Variants in TBX2 observed in about 807,000 individuals in gnomAD.
TBX2 encodes T-box transcription factor 2.
TBX2 carries 19 observed loss-of-function variants against 48.4 expected under a neutral mutation model. The ratio of observed to expected loss-of-function variants is 0.39; its 90% confidence interval spans 0.27 to 0.58. The LOEUF (loss-of-function observed/expected upper bound fraction) is 0.58. TBX2 is among the 20% of genes least tolerant of loss of function. The probability of loss-of-function intolerance (pLI) is 0.54; values close to 1 mark genes in which losing one functional copy is unlikely to be tolerated. For missense variants in TBX2, 994 were observed against 1,006.5 expected (o/e 0.99, Z 0.17); for synonymous variants, 522 against 459.7 (o/e 1.14, Z -1.73).
chr17:61,401,887 T>C lies in TBX2; in HGVS notation c.599T>C (p.Met200Thr), dbSNP rs1409927318. 8.7e-6 allele frequency: 14 copies of C among 1,612,632 alleles called. No homozygotes were observed. The highest frequency in any genetic ancestry group is 2.7e-5 in the African/African-American group (2 of 74,938). ...AGCCCAGCCACGGGGGAGCAGTGGA[T>C]GGCTAAGCCTGTGGCCTTCCACAAG... ...PDSPATGEQW[M>T]AKPVAFHKLK... The change falls in exon 2 of 7, where the codon ATG becomes ACG. Residue 200 changes from methionine (M) to threonine (T), a missense_variant. This residue lies in a region of TBX2 where 153 missense variants were observed against 166.2 expected (regional missense o/e 0.92). Transcript: ENST00000240328.
intron 6 of TBX2, 150 bp downstream of exon 6, chr17:61,405,986 T>G: frequency 1.3e-6 from 1 of 769,938 alleles, no homozygotes; most frequent in Non-Finnish European, 1.8e-6. Flanking sequence ...GGATGCCCTT[T>G]AGGACACCTG....
chr17:61,402,927 C>CGAGAGA (rs1569015300), intron 2 of TBX2, 134 bp from the exon 3 acceptor site: 4 of 323,720 alleles, frequency 1.2e-5, no homozygotes, highest in African/African-American at 1.2e-4. Flanking sequence ...GAGGAAGAAC[C>CGAGAGA]GATAGAGAGA....
At chr17:61,404,967 A>G in intron 5 of TBX2, 198 bp downstream of exon 5, 3 of 1,246,652 alleles carry the variant, frequency 2.4e-6, no homozygotes, top group Non-Finnish European at 3.4e-6. Flanking sequence ...CCGGACTCCG[A>G]GCCTGGCCCC....
In TBX2 at chr17:61,405,295, C is replaced by A; in HGVS notation, c.1145C>A (p.Pro382Gln). The change falls in exon 6 of 7, where the codon CCA becomes CAA. Residue 382 changes from proline to glutamine, a missense_variant. This residue lies in a region of TBX2 where 639 missense variants were observed against 613.2 expected (regional missense o/e 1.04). Coordinates refer to ENST00000240328, the MANE Select transcript of TBX2 (RefSeq NM_005994.4). ...GCGCCGCTAGGCCGCAGCCCGGCTC[C>A]AGACAGCGCCAGCCCCACTCGCTTG... ...AGAPLGRSPA[P>Q]DSASPTRLTE... The A allele has an allele frequency of 6.4e-7, 1 of 1,557,968 alleles. No individual in the cohort carries two copies. Among genetic ancestry groups the A allele is most frequent in the South Asian group, 1.2e-5 (1 of 85,536 alleles).
chr17:61,407,045 C>G (rs955546073), intron 6 of TBX2: 5 of 152,184 alleles, frequency 3.3e-5, no homozygotes, highest in African/African-American at 1.2e-4. Flanking sequence ...AATACCAGCA[C>G]CTGGGAGGCA....
Position 61,409,321 on chromosome 17 carries a change from G to T in TBX2, c.*815G>T, listed in dbSNP as rs1234318583. The T allele has an allele frequency of 6.6e-6, 1 of 152,348 alleles. No individual in the cohort carries two copies. Among genetic ancestry groups the T allele is most frequent in the African/African-American group, 2.4e-5 (1 of 41,444 alleles). 9.4% of individuals were successfully genotyped at this position (152,348 alleles called of 1,614,324 possible). On this transcript the variant is annotated 3_prime_UTR_variant, in exon 7 of 7. Coordinates refer to ENST00000240328, the MANE Select transcript of TBX2 (RefSeq NM_005994.4). ...CCCTGGAGGAGCCACCACCCCGCCG[G>T]CCCCTCGACCCCTCGGCCCCTCGGC...
At position 61,406,742 on chromosome 17, in the gene TBX2, G is replaced by C. The variant is rs1448016972; in HGVS notation, c.1686+906G>C. The C allele has an allele frequency of 2.9e-5, 1 of 34,982 alleles. No homozygotes were observed. The highest frequency in any genetic ancestry group is 2.3e-4 in the Admixed American group (1 of 4,352). 2.2% of individuals were successfully genotyped at this position (34,982 alleles called of 1,614,324 possible). A position where few individuals can be genotyped will look rare whatever the true frequency, so the allele number is the denominator to read the frequency against. ...TTTTAAAAGTTGGGTTGGTGGGTGGGGGGGTGGGGGGTTGGGAGGCAGGCG... is the reference window on the plus strand; with the variant it reads ...TTTTAAAAGTTGGGTTGGTGGGTGGCGGGGTGGGGGGTTGGGAGGCAGGCG... On this transcript the variant is annotated intron_variant, in intron 6 of 6. Transcript: ENST00000240328. This position sits in a 1 kb window ranked among gnomAD's most constrained non-coding sequence, Gnocchi z 5.7.
chr17:61,400,577 G>T lies in TBX2; in HGVS notation c.395+6G>T, dbSNP rs1245387725. 7 of 1,545,232 alleles carry T rather than the reference G, an allele frequency of 4.5e-6. No homozygotes were observed. The South Asian group carries it at 8.3e-5, about 18-fold the overall frequency. ...GTCATCACCAAGTCCGGGAGGTAGG[G>T]CTGCCGGCCGGCTGGAAGGCGCGCG... On this transcript the variant is annotated splice_donor_region_variant and intron_variant, in intron 1 of 6. Transcript: ENST00000240328. This position sits in a 1 kb window ranked among gnomAD's most constrained non-coding sequence, Gnocchi z 9.2.
chr17:61,404,486 G>C lies in TBX2; in HGVS notation c.876G>C (p.Arg292=), dbSNP rs752696332. The part of the protein sequence containing the change: ...AKGFRDTGNG[R]REKRKQLTLP... Reference sequence around the variant, plus strand: ...GCTTCCGGGACACCGGGAACGGCCGGCGGGAGAAAAGGTGAGAGGCCGAGG... The same window carrying C: ...GCTTCCGGGACACCGGGAACGGCCGCCGGGAGAAAAGGTGAGAGGCCGAGG... The change falls in exon 4 of 7, where the codon CGG becomes CGC. Residue 292 remains arginine, a synonymous_variant. Transcript: ENST00000240328. The C allele has an allele frequency of 3.1e-6, 5 of 1,611,816 alleles. No homozygotes were observed. In the East Asian group the frequency reaches 6.7e-5, roughly 22 times the overall value.
rs986465437 is a variant in TBX2, at chr17:61,403,362, G to A, written c.810+155G>A. Among the ~76,000 whole-genome samples, 1 of 152,234 alleles carries A rather than the reference G, an allele frequency of 6.6e-6. No homozygotes were observed. Among genetic ancestry groups the A allele is most frequent in the African/African-American group, 2.4e-5 (1 of 41,468 alleles). Reference sequence around the variant, plus strand: ...ACCGAGCCTCGCATCCATACGCGCAGCACTCACGGAAGTCCTCAAGGCGCC... The same window carrying A: ...ACCGAGCCTCGCATCCATACGCGCAACACTCACGGAAGTCCTCAAGGCGCC... On this transcript the variant is annotated intron_variant, in intron 3 of 6. Transcript: ENST00000240328. This position sits in a 1 kb window ranked among gnomAD's most constrained non-coding sequence, Gnocchi z 5.8.
In TBX2 at chr17:61,403,361, A is replaced by C. The variant is rs2060273255; in HGVS notation, c.810+154A>C. On this transcript the variant is annotated intron_variant, in intron 3 of 6. Coordinates refer to ENST00000240328, the MANE Select transcript of TBX2 (RefSeq NM_005994.4). This position sits in a 1 kb window ranked among gnomAD's most constrained non-coding sequence, Gnocchi z 5.8. ...CACCGAGCCTCGCATCCATACGCGC[A>C]GCACTCACGGAAGTCCTCAAGGCGC... is the stretch of plus-strand genomic sequence containing the variant. 6.6e-6 allele frequency among the ~76,000 whole-genome samples: 1 copy of C among 152,194 alleles called. No individual in the cohort carries two copies. The highest frequency in any genetic ancestry group is 1.5e-5 in the Non-Finnish European group (1 of 68,032).
Position 61,408,565 on chromosome 17 carries a change from T to G in TBX2, c.*59T>G. On this transcript the variant is annotated 3_prime_UTR_variant, in exon 7 of 7. Coordinates refer to ENST00000240328, the MANE Select transcript of TBX2 (RefSeq NM_005994.4). ...CACCCGGGCTGCCTGCCCCTGCTGC[T>G]TGGGACGTGTACAGCACAGAATGAG... 1 of 1,389,728 alleles carries G rather than the reference T, an allele frequency of 7.2e-7. No individual in the cohort carries two copies. The highest frequency in any genetic ancestry group is 2.6e-5 in the East Asian group (1 of 38,884). 86.1% of individuals were successfully genotyped at this position (1,389,728 alleles called of 1,614,324 possible).
rs1323583331 is a variant in TBX2, at chr17:61,400,361, C to T, written c.185C>T (p.Ala62Val). Residue 62 changes from alanine to valine, a missense_variant, in exon 1 of 7, where the codon GCC (alanine) becomes GTC (valine). Physicochemically the swap from Ala to Val is moderately conservative, Grantham distance 64. Around this residue, in one of 5 missense-constraint regions of TBX2, gnomAD observed 165 missense variants for 136.8 expected, o/e 1.21. Transcript: ENST00000240328. The surrounding 1 kb of genome is among the most constrained non-coding windows in gnomAD (Gnocchi z 9.2). ...GACCCGGGCCTGGCGGGGGCGGCGG[C>T]CGCGGCGGCGGCGGCGGCAGCAGCG... ...LPDPGLAGAAAAAAAAAAAAE... is the reference protein window; with the variant it reads ...LPDPGLAGAAVAAAAAAAAAE... 9.7e-7 allele frequency: 1 copy of T among 1,031,406 alleles called. No individual in the cohort carries two copies. Among genetic ancestry groups the T allele is most frequent in the Non-Finnish European group, 1.2e-6 (1 of 862,616 alleles). 63.9% of individuals were successfully genotyped at this position (1,031,406 alleles called of 1,614,324 possible).
Position 61,403,079 on chromosome 17 carries a change from C to T in TBX2, c.682C>T (p.His228Tyr), listed in dbSNP as rs1274588227. The part of the protein sequence containing the change: ...KHGFTILNSM[H>Y]KYQPRFHIVR... ...CCCGCAGACCATCCTAAACTCCATG[C>T]ACAAGTACCAGCCGCGCTTCCACAT... The change falls in exon 3 of 7, where the codon CAC (histidine) becomes TAC (tyrosine). Residue 228 changes from histidine (H) to tyrosine (Y), a missense_variant. By Grantham distance (83) the His-to-Tyr change is moderately conservative. Coordinates refer to ENST00000240328, the MANE Select transcript of TBX2 (RefSeq NM_005994.4). The surrounding 1 kb of genome is among the most constrained non-coding windows in gnomAD (Gnocchi z 5.8). 4 of 1,613,046 alleles carry T rather than the reference C, an allele frequency of 2.5e-6. No homozygotes were observed. Among genetic ancestry groups the T allele is most frequent in the Non-Finnish European group, 3.4e-6 (4 of 1,179,934 alleles).
In TBX2 at chr17:61,408,455, T is replaced by C; in HGVS notation, c.2088T>C (p.Ser696=). 5 of 1,474,296 alleles carry C rather than the reference T, an allele frequency of 3.4e-6. No individual in the cohort carries two copies. The highest frequency in any genetic ancestry group is 1.4e-5 in the South Asian group (1 of 72,042). The allele number at this position is 1,474,296 out of a possible 1,614,324, so 91.3% of individuals were successfully genotyped here. Reference sequence around the variant, plus strand: ...TGCAGAGCATCCAGAGACTGGTGAGTGGGCTGGAGAGCCAGCGAGCCCTCT... The same window carrying C: ...TGCAGAGCATCCAGAGACTGGTGAGCGGGCTGGAGAGCCAGCGAGCCCTCT... ...NELQSIQRLV[S]GLESQRALSP... The change falls in exon 7 of 7, where the codon AGT becomes AGC. Residue 696 remains serine (S), a synonymous_variant. Coordinates refer to ENST00000240328, the MANE Select transcript of TBX2 (RefSeq NM_005994.4).
Position 61,403,216 on chromosome 17 carries a change from G to C in TBX2, c.810+9G>C, listed in dbSNP as rs766782230. 2.9e-5 allele frequency: 47 copies of C among 1,611,558 alleles called. No individual in the cohort carries two copies. The highest frequency in any genetic ancestry group is 4.0e-5 in the African/African-American group (3 of 74,930). On this transcript the variant is annotated intron_variant, in intron 3 of 6. Coordinates refer to ENST00000240328, the MANE Select transcript of TBX2 (RefSeq NM_005994.4). The surrounding 1 kb of genome is among the most constrained non-coding windows in gnomAD (Gnocchi z 5.8). ...CCTACCAGAATGACAAGGTGCGCGC[G>C]GCGGGCGGTGGGCTAAGCCCCTGCA...
At chr17:61,404,809 G>T (rs1386115672) in intron 5 of TBX2, 40 bp downstream of exon 5, 1 of 1,536,500 alleles carries the variant, frequency 6.5e-7, no homozygotes, top group Non-Finnish European at 8.7e-7. Context: ...AGGTGGCGGC[G>T]GGGGGTCCTC....
intron 6 of TBX2, 108 bp downstream of exon 6, chr17:61,405,944 G>A: frequency 1.7e-6 from 2 of 1,159,654 alleles, no homozygotes; most frequent in South Asian, 4.4e-5. Flanking sequence ...GGATCCTCTG[G>A]CAGGCAAGAA....
At position 61,405,735 on chromosome 17, in the gene TBX2, G is replaced by T; in HGVS notation, c.1585G>T (p.Ala529Ser). ...GNGGGGGPGT[A>S]AGLDAGGLGP... is the part of the protein sequence containing the mutation. ...CGGCGGAGGTGGCGGGCCTGGGACC[G>T]CCGCGGGGCTGGACGCAGGCGGGCT... The change falls in exon 6 of 7, where the codon GCC becomes TCC. Residue 529 changes from alanine (A) to serine (S), a missense_variant. Transcript: ENST00000240328. The T allele has an allele frequency of 7.3e-7, 1 of 1,362,636 alleles. No homozygotes were observed. The highest frequency in any genetic ancestry group is 9.4e-7 in the Non-Finnish European group (1 of 1,063,732). The allele number at this position is 1,362,636 out of a possible 1,614,324, so 84.4% of individuals were successfully genotyped here. A position where few individuals can be genotyped will look rare whatever the true frequency, so the allele number is the denominator to read the frequency against.
Sources: allele counts gnomAD v4.1 joint callset (sites outside exome capture counted in the v4.1 genomes callset), GRCh38; gene constraint gnomAD v4.1.1; regional missense constraint gnomAD v4.1.1; non-coding constraint Gnocchi (gnomAD v3.1); transcripts MANE v1.5; gene names NCBI Gene and HGNC (gene_info 2026-07-23, HGNC 2026-07-21).